The following AHI1 variants were observed in gnomAD, a reference collection of about 807,000 sequenced individuals.
AHI1 encodes the protein Abelson helper integration site 1.
AHI1 carries 123 observed loss-of-function variants against 149.3 expected under a neutral mutation model. The observed-to-expected ratio is 0.82, with a 90% confidence interval of 0.71 to 0.96. The LOEUF (loss-of-function observed/expected upper bound fraction) is 0.96, where lower values mean the gene tolerates loss of function less well. AHI1 is among the 40% of genes least tolerant of loss of function. The pLI is 0.00. For missense variants in AHI1, 1,439 were observed against 1,422.7 expected (o/e 1.01, Z -0.18); for synonymous variants, 475 against 459.8 (o/e 1.03, Z -0.42).
At chr6:135,474,162 T>TA (rs1416753020) in intron 5 of AHI1, among the ~76,000 whole-genome samples, 6 of 152,238 alleles carry the variant, frequency 3.9e-5, no homozygotes, top group Non-Finnish European at 5.9e-5. Context: ...ATTTTCAACT[T>TA]ACAATACTTT....
In AHI1 at chr6:135,295,826, C is replaced by T. The variant is rs80253808; in HGVS notation, c.3485+4674G>A. On this transcript the variant is annotated intron_variant, in intron 27 of 28. Coordinates refer to ENST00000265602, the MANE Select transcript of AHI1 (RefSeq NM_001134831.2). ...ATGGTTCATGGGTATTTACCCATGT[C>T]GAAACTTAAACCGTTTATTTTATTT... Among the ~76,000 whole-genome samples the T allele has an allele frequency of 2.6e-3, 393 of 152,130 alleles. 1 individual carries two copies. Among genetic ancestry groups the T allele is most frequent in the African/African-American group, 8.9e-3 (370 of 41,512 alleles).
chr6:135,477,757 A>G (rs1423749288), intron 5 of AHI1, among the ~76,000 whole-genome samples: 1 of 151,996 alleles, frequency 6.6e-6, no homozygotes, highest in Non-Finnish European at 1.5e-5. Flanking sequence ...AGGTCTCCCC[A>G]GCTATGCCTC....
At position 135,293,406 on chromosome 6, in the gene AHI1, G is replaced by GAAAAAAAAAAAAAAAAAAAAA. The variant is rs71547029; in HGVS notation, c.3486-2882_3486-2881insTTTTTTTTTTTTTTTTTTTTT. 5.8e-3 allele frequency among the ~76,000 whole-genome samples: 377 copies of GAAAAAAAAAAAAAAAAAAAAA among 64,968 alleles called. 3 individuals are homozygous for GAAAAAAAAAAAAAAAAAAAAA. Among genetic ancestry groups the GAAAAAAAAAAAAAAAAAAAAA allele is most frequent in the Middle Eastern group, 9.1e-3 (1 of 110 alleles). The allele number at this position is 64,968 out of a possible 152,430, so 42.6% of individuals were successfully genotyped here. A position where few individuals can be genotyped will look rare whatever the true frequency, so the allele number is the denominator to read the frequency against. On this transcript the variant is annotated intron_variant, in intron 27 of 28. Coordinates refer to ENST00000265602, the MANE Select transcript of AHI1 (RefSeq NM_001134831.2). ...TGTTAACAGGGCAAAAAAAAAAAAA[G>GAAAAAAAAAAAAAAAAAAAAA]AAAAAAAAAAAAAAAAAAGAAAAAA...
At position 135,418,944 on chromosome 6, in the gene AHI1, ATT is replaced by A. The variant is rs560654045; in HGVS notation, c.2765-7402_2765-7401del. Among the ~76,000 whole-genome samples the A allele has an allele frequency of 6.7e-4, 95 of 141,346 alleles. 1 individual carries two copies. The highest frequency in any genetic ancestry group is 2.1e-3 in the African/African-American group (80 of 38,706). The allele number at this position is 141,346 out of a possible 152,430, so 92.7% of individuals were successfully genotyped here. Reference sequence around the variant, plus strand: ...CTGCAGTAAATGTTCAGTACTTATAATTTTTTTTTTTTTTTTGTATTTTATCT... The same window carrying A: ...CTGCAGTAAATGTTCAGTACTTATAATTTTTTTTTTTTTTGTATTTTATCT... On this transcript the variant is annotated intron_variant, in intron 20 of 28. Coordinates refer to ENST00000265602, the MANE Select transcript of AHI1 (RefSeq NM_001134831.2).
At chr6:135,361,040 T>C (rs1054943744) in intron 23 of AHI1, among the ~76,000 whole-genome samples, 4 of 152,238 alleles carry the variant, frequency 2.6e-5, no homozygotes, top group Non-Finnish European at 5.9e-5. Flanking sequence ...TTTTCTATAT[T>C]CTTTTGCAAT....
At chr6:135,361,756 G>A (rs961526140) in intron 23 of AHI1, among the ~76,000 whole-genome samples, 2 of 151,238 alleles carry the variant, frequency 1.3e-5, no homozygotes, top group Non-Finnish European at 2.9e-5. Context: ...TAATTAGGAG[G>A]TATCTATGGT....
intron 23 of AHI1, among the ~76,000 whole-genome samples, chr6:135,370,141 C>T (rs1291418083): frequency 2.0e-5 from 3 of 152,122 alleles, no homozygotes; most frequent in East Asian, 1.9e-4. Context: ...AAATAGCAAA[C>T]GTCTTCCCTC....
At chr6:135,429,229 C>A (rs1480511796) in intron 18 of AHI1, among the ~76,000 whole-genome samples, 1 of 151,610 alleles carries the variant, frequency 6.6e-6, no homozygotes, top group African/African-American at 2.4e-5. Context: ...TATTATTAAA[C>A]CATCTGCTAA....
At chr6:135,460,052 G>A (rs1439332492) in intron 8 of AHI1, among the ~76,000 whole-genome samples, 1 of 152,068 alleles carries the variant, frequency 6.6e-6, no homozygotes, top group Non-Finnish European at 1.5e-5. Flanking sequence ...GAATGGTGGT[G>A]CATGCCTGTA....
Position 135,467,583 on chromosome 6 carries a change from C to T in AHI1, c.187G>A (p.Asp63Asn), listed in dbSNP as rs1790983848. 1 of 1,607,952 alleles carries T rather than the reference C, an allele frequency of 6.2e-7. No homozygotes were observed. Among genetic ancestry groups the T allele is most frequent in the African/African-American group, 1.3e-5 (1 of 74,878 alleles). ...CTGTTAGTGTTAGCAGTACTTACATCATCACTTGTAGTTTCTTTCATATAG... is the reference window on the plus strand; with the variant it reads ...CTGTTAGTGTTAGCAGTACTTACATTATCACTTGTAGTTTCTTTCATATAG... ...LHYMKETTSD[D>N]PDTIRSNLPH... The change falls in exon 6 of 29, where the codon GAT (aspartate) becomes AAT (asparagine). Residue 63 changes from aspartate to asparagine, a missense_variant and splice_region_variant. Asp to Asn is a conservative substitution (Grantham distance 23). Coordinates refer to ENST00000265602, the MANE Select transcript of AHI1 (RefSeq NM_001134831.2).
chr6:135,292,351 T>C (rs974366085), intron 27 of AHI1, among the ~76,000 whole-genome samples: 1 of 152,220 alleles, frequency 6.6e-6, no homozygotes, highest in African/African-American at 2.4e-5. Flanking sequence ...TGATCCTCTT[T>C]CTTCTTTTAT....
intron 20 of AHI1, among the ~76,000 whole-genome samples, chr6:135,418,287 C>A (rs1275403774): frequency 6.6e-6 from 1 of 152,020 alleles, no homozygotes; most frequent in African/African-American, 2.4e-5. Context: ...CAGAGGAATG[C>A]ACAGATGATG....
At chr6:135,411,704 G>A (rs1781619883) in intron 20 of AHI1, among the ~76,000 whole-genome samples, 160 bp from the exon 21 acceptor site, 2 of 152,130 alleles carry the variant, frequency 1.3e-5, no homozygotes, top group Admixed American at 1.3e-4. Context: ...ATTATTCAAT[G>A]CTATAAAATC....
chr6:135,453,722 G>A (rs1788489043), intron 10 of AHI1, among the ~76,000 whole-genome samples: 2 of 151,988 alleles, frequency 1.3e-5, no homozygotes, highest in South Asian at 4.1e-4. Flanking sequence ...AATATAATAG[G>A]CATAGAATTC....
chr6:135,394,481 T>C (rs1291186453), intron 23 of AHI1, among the ~76,000 whole-genome samples: 3 of 152,078 alleles, frequency 2.0e-5, no homozygotes, highest in African/African-American at 4.8e-5. Context: ...CTTTATCTAA[T>C]TGGGAAACTG....
chr6:135,419,681 A>G (rs1782875723), intron 20 of AHI1, among the ~76,000 whole-genome samples: 1 of 152,078 alleles, frequency 6.6e-6, no homozygotes, highest in South Asian at 2.1e-4. Context: ...TGCTGATGGA[A>G]GGTCTTGCTT....
chr6:135,286,703 C>T (rs1388914801), intron 28 of AHI1, among the ~76,000 whole-genome samples: 3 of 152,102 alleles, frequency 2.0e-5, no homozygotes, highest in African/African-American at 4.8e-5. Context: ...ACATGAGGGG[C>T]AAAAATTCTT....
chr6:135,441,018 A>G (rs957478393), intron 14 of AHI1, among the ~76,000 whole-genome samples: 2 of 152,112 alleles, frequency 1.3e-5, no homozygotes, highest in African/African-American at 4.8e-5. Flanking sequence ...CTTTCTCAAC[A>G]AAGACTTTCA....
At chr6:135,405,139 G>A (rs1780577026) in intron 21 of AHI1, among the ~76,000 whole-genome samples, 162 bp from the exon 22 acceptor site, 1 of 152,154 alleles carries the variant, frequency 6.6e-6, no homozygotes, top group Non-Finnish European at 1.5e-5. Context: ...TCCAATGAAA[G>A]AGACTTAATG....
Sources: gnomAD v4.1 joint callset for allele counts (sites outside exome capture counted in the v4.1 genomes callset) on GRCh38, gnomAD v4.1.1 for gene constraint, MANE v1.5 for transcripts, NCBI Gene and HGNC (gene_info 2026-07-23, HGNC 2026-07-21) for gene names.